Variants in CATIP observed in about 807,000 individuals in gnomAD.
CATIP encodes ciliogenesis associated TTC17 interacting protein, also known as ciliogenesis-associated TTC17-interacting protein.
A neutral mutation model predicts 42.5 loss-of-function variants in CATIP; 40 were observed. The observed-to-expected ratio is 0.94, with a 90% confidence interval of 0.73 to 1.22. The LOEUF (loss-of-function observed/expected upper bound fraction) is 1.22. Ranked by LOEUF, CATIP falls within the 50% of genes most tolerant of loss-of-function variation. The pLI is 0.00. For missense variants in CATIP, 489 were observed against 496.0 expected (o/e 0.99, Z 0.13); for synonymous variants, 222 against 200.2 (o/e 1.11, Z -0.92).
intron 5 of CATIP, among the ~76,000 whole-genome samples, chr2:218,362,352 CAAAAA>C (rs57836370): frequency 5.1e-5 from 4 of 78,508 alleles, no homozygotes; most frequent in Admixed American, 3.2e-4. Context: ...GACCCTGTCT[CAAAAA>C]AAAAAAAAAA....
Position 218,357,733 on chromosome 2 carries a change from G to A in CATIP, c.318G>A (p.Leu106=), listed in dbSNP as rs764934635. The A allele has an allele frequency of 6.2e-7, 1 of 1,612,576 alleles. No homozygotes were observed. Among genetic ancestry groups the A allele is most frequent in the Non-Finnish European group, 8.5e-7 (1 of 1,179,816 alleles). The change falls in exon 3 of 10, where the codon CTG becomes CTA. Residue 106 remains leucine (L), a splice_region_variant and synonymous_variant. Coordinates refer to ENST00000289388, the MANE Select transcript of CATIP (RefSeq NM_198559.2). Reference sequence around the variant, plus strand: ...AAATGCTCTGCGGAAATTCCCTCCTGGGTAGCGTTCCTACTGCCTGATGCC... The same window carrying A: ...AAATGCTCTGCGGAAATTCCCTCCTAGGTAGCGTTCCTACTGCCTGATGCC... ...LDKMLCGNSL[L]GYLSEKLELM... is the part of the protein sequence containing the mutation.
At chr2:218,362,941 C>T (rs370038588) in intron 6 of CATIP, 39 bp downstream of exon 6, 122 of 1,573,004 alleles carry the variant, frequency 7.8e-5, no homozygotes, top group Middle Eastern at 5.1e-4. Context: ...GGCTTGGGAG[C>T]GAACTAGAAA....
rs1443931458 is a variant in CATIP, at chr2:218,367,973, C to T, written c.*9C>T. On this transcript the variant is annotated 3_prime_UTR_variant, in exon 10 of 10. Coordinates refer to ENST00000289388, the MANE Select transcript of CATIP (RefSeq NM_198559.2). ...GCTCGGGGGCGGCCTAAGCGGGGCC[C>T]AGGCCCGGACAGGGCAGGAAACCAG... 1.9e-6 allele frequency: 3 copies of T among 1,552,712 alleles called. No individual in the cohort carries two copies. The East Asian group carries it at 7.2e-5, about 37-fold the overall frequency.
chr2:218,367,361 G>A (rs1176533360), intron 8 of CATIP, 69 bp from the exon 9 acceptor site: 5 of 1,414,532 alleles, frequency 3.5e-6, no homozygotes, highest in South Asian at 2.3e-5. Context: ...GGGTGTTCTC[G>A]GGATCTCGCT....
At chr2:218,363,491 A>AC (rs1559105114) in intron 6 of CATIP, among the ~76,000 whole-genome samples, 2 of 146,972 alleles carry the variant, frequency 1.4e-5, no homozygotes, top group African/African-American at 5.1e-5. Context: ...GTCTCAAAAA[A>AC]AAAAAACAAA....
intron 4 of CATIP, among the ~76,000 whole-genome samples, chr2:218,359,225 C>G (rs1236558033): frequency 6.6e-6 from 1 of 151,524 alleles, no homozygotes; most frequent in Non-Finnish European, 1.5e-5. Flanking sequence ...ACCTGTAATC[C>G]CAGCTACACG....
rs944369025 is a variant in CATIP, at chr2:218,361,662, T to C, written c.462+1003T>C. Among the ~76,000 whole-genome samples, 6 of 152,204 alleles carry C rather than the reference T, an allele frequency of 3.9e-5. No individual in the cohort carries two copies. The East Asian group carries it at 9.6e-4, about 24-fold the overall frequency. ...TGTCCTTTGTCCACAAGGAATTTCC[T>C]TGTGGGCAAATAGTGAGGGAGTTAT... On this transcript the variant is annotated intron_variant, in intron 5 of 9. Transcript: ENST00000289388.
intron 7 of CATIP, 90 bp from the exon 8 acceptor site, chr2:218,366,934 T>TACC: frequency 2.0e-6 from 2 of 1,002,134 alleles, no homozygotes; most frequent in Non-Finnish European, 3.1e-6. Flanking sequence ...TACCTCCAAA[T>TACC]ACCACCACAC....
chr2:218,356,857 A>T lies in CATIP; in HGVS notation c.-28A>T. ...CTGGTTGCCATGGAGACAGCTGGAC[A>T]CAGACCGGGTAGAGGCAGGCCCACA... On this transcript the variant is annotated 5_prime_UTR_variant, in exon 1 of 10. Transcript: ENST00000289388. 1 of 1,614,132 alleles carries T rather than the reference A, an allele frequency of 6.2e-7. No individual in the cohort carries two copies. Among genetic ancestry groups the T allele is most frequent in the Non-Finnish European group, 8.5e-7 (1 of 1,179,996 alleles).
At chr2:218,362,352 C>CAAA (rs57836370) in intron 5 of CATIP, among the ~76,000 whole-genome samples, 6 of 78,500 alleles carry the variant, frequency 7.6e-5, no homozygotes, top group African/African-American at 9.1e-5. Context: ...GACCCTGTCT[C>CAAA]AAAAAAAAAA....
At chr2:218,359,040 A>G (rs1423307247) in intron 4 of CATIP, among the ~76,000 whole-genome samples, 1 of 152,014 alleles carries the variant, frequency 6.6e-6, no homozygotes, top group Non-Finnish European at 1.5e-5. Flanking sequence ...CCCTGTCTCT[A>G]CTAAAAACAC....
chr2:218,368,020 G>C lies in CATIP; in HGVS notation c.*56G>C. The C allele has an allele frequency of 2.8e-6, 4 of 1,449,402 alleles. No homozygotes were observed. Among genetic ancestry groups the C allele is most frequent in the Non-Finnish European group, 3.6e-6 (4 of 1,108,100 alleles). The allele number at this position is 1,449,402 out of a possible 1,614,324, so 89.8% of individuals were successfully genotyped here. On this transcript the variant is annotated 3_prime_UTR_variant, in exon 10 of 10. Coordinates refer to ENST00000289388, the MANE Select transcript of CATIP (RefSeq NM_198559.2). The stretch of plus-strand genomic sequence containing the variant: ...CCAGGGGTCGGGCTGGGACGCGGGC[G>C]GGACGCGCCGGGGCGGGTGCGCTTT...
chr2:218,360,216 G>A (rs947261354), intron 4 of CATIP, among the ~76,000 whole-genome samples: 2 of 149,796 alleles, frequency 1.3e-5, no homozygotes, highest in East Asian at 2.0e-4. Flanking sequence ...GTAGTGGTGC[G>A]ATCTCGGCTC....
At chr2:218,366,405 G>A (rs979512850) in intron 7 of CATIP, 8 of 156,960 alleles carry the variant, frequency 5.1e-5, no homozygotes, top group South Asian at 1.8e-4. Flanking sequence ...GATTACAGGC[G>A]TGAGCCACCG....
At chr2:218,363,397 A>G (rs1472212180) in intron 6 of CATIP, among the ~76,000 whole-genome samples, 1 of 151,416 alleles carries the variant, frequency 6.6e-6, no homozygotes, top group Non-Finnish European at 1.5e-5. Context: ...GAGGCAGGAG[A>G]ATGGCGTGAA....
chr2:218,367,103 G>A lies in CATIP; in HGVS notation c.832+3G>A, dbSNP rs749336104. 2 of 1,610,686 alleles carry A rather than the reference G, an allele frequency of 1.2e-6. No homozygotes were observed. The highest frequency in any genetic ancestry group is 2.2e-5 in the South Asian group (2 of 90,980). ...GATGCCCATCTTGAGGGAAGAGGGT[G>A]AGTGAAGCCCAGGCCTTGTGCAGGC... is the stretch of plus-strand genomic sequence containing the variant. On this transcript the variant is annotated splice_donor_region_variant and intron_variant, in intron 8 of 9. Coordinates refer to ENST00000289388, the MANE Select transcript of CATIP (RefSeq NM_198559.2).
In CATIP at chr2:218,368,080, T is replaced by G; in HGVS notation, c.*116T>G. ...GGTTTTGGGGGAATAAATGGGGCCCTCCCGCTTCTCTGCAGCGCCCGTCGA... is the reference window on the plus strand; with the variant it reads ...GGTTTTGGGGGAATAAATGGGGCCCGCCCGCTTCTCTGCAGCGCCCGTCGA... On this transcript the variant is annotated 3_prime_UTR_variant, in exon 10 of 10. Coordinates refer to ENST00000289388, the MANE Select transcript of CATIP (RefSeq NM_198559.2). 2.1e-5 allele frequency: 26 copies of G among 1,214,480 alleles called. No individual in the cohort carries two copies. Among genetic ancestry groups the G allele is most frequent in the Middle Eastern group, 2.9e-4 (1 of 3,454 alleles). The allele number at this position is 1,214,480 out of a possible 1,614,324, so 75.2% of individuals were successfully genotyped here.
intron 6 of CATIP, among the ~76,000 whole-genome samples, chr2:218,363,133 C>T (rs865944267): frequency 7.9e-5 from 12 of 152,046 alleles, no homozygotes; most frequent in African/African-American, 2.4e-4. Context: ...GCAACCCTTC[C>T]GCACAGAAGT....
At chr2:218,363,528 C>T (rs926523169) in intron 6 of CATIP, among the ~76,000 whole-genome samples, 3 of 140,608 alleles carry the variant, frequency 2.1e-5, no homozygotes, top group African/African-American at 2.7e-5. Context: ...TTTGGCCAGG[C>T]GCAGTGATTC....
Sources: gnomAD v4.1 joint callset for allele counts (sites outside exome capture counted in the v4.1 genomes callset) on GRCh38, gnomAD v4.1.1 for gene constraint, MANE v1.5 for transcripts, NCBI Gene and HGNC (gene_info 2026-07-23, HGNC 2026-07-21) for gene names.